ANKRD26: variants seen among roughly 807,000 people sequenced by gnomAD.
ANKRD26 encodes ankyrin repeat domain-containing protein 26.
Under a neutral mutation model 208.7 loss-of-function variants are expected in ANKRD26, and 141 were observed. The ratio of observed to expected loss-of-function variants is 0.68; its 90% confidence interval spans 0.59 to 0.78. The LOEUF is 0.78. Ranked by LOEUF, ANKRD26 falls within the 30% of genes least tolerant of loss-of-function variation. The pLI, the probability that ANKRD26 is intolerant of heterozygous loss-of-function variation, is 0.00. For synonymous variants in ANKRD26, 636 were observed against 660.4 expected, an observed-to-expected ratio of 0.96 and a Z score of 0.57; for missense variants, 1,889 against 1,938.7, an observed-to-expected ratio of 0.97 and a Z score of 0.48.
rs1009481889 is a variant in ANKRD26, at chr10:27,093,678, T to C, written c.357+7A>G. ...ATCTGATGCTGAAAGAGCTGGCTAC[T>C]ATATACCTTCATCAGAGCTGTCCTG... On this transcript the variant is annotated splice_region_variant and intron_variant, in intron 2 of 33. Transcript: ENST00000376087. The C allele has an allele frequency of 4.3e-6, 7 of 1,612,312 alleles. No homozygotes were observed. The African/African-American group carries it at 8.0e-5, about 18-fold the overall frequency.
At position 27,033,214 on chromosome 10, in the gene ANKRD26, T is replaced by A; in HGVS notation, c.3807+11A>T. ...AGATTAACTGTTTGACATGTTAAAT[T>A]TCATACATACTTGATTTCTGATTTG... is the stretch of plus-strand genomic sequence containing the variant. On this transcript the variant is annotated intron_variant, in intron 25 of 33. Coordinates refer to ENST00000376087, the MANE Select transcript of ANKRD26 (RefSeq NM_014915.3). 6.2e-7 allele frequency: 1 copy of A among 1,600,974 alleles called. No homozygotes were observed.
intron 24 of ANKRD26, among the ~76,000 whole-genome samples, chr10:27,033,909 C>A (rs946513135): frequency 6.6e-6 from 1 of 152,194 alleles, no homozygotes; most frequent in Non-Finnish European, 1.5e-5. Context: ...TGACTCTCCC[C>A]TACTCACTCC....
intron 4 of ANKRD26, among the ~76,000 whole-genome samples, chr10:26,982,072 A>G (rs1008882476): frequency 1.3e-5 from 2 of 152,190 alleles, no homozygotes; most frequent in African/African-American, 4.8e-5. Flanking sequence ...ACATAAGACA[A>G]CATAGACAAT....
At chr10:27,098,469 CT>C (rs1242399601) in intron 1 of ANKRD26, among the ~76,000 whole-genome samples, 19 of 152,150 alleles carry the variant, frequency 1.2e-4, no homozygotes, top group African/African-American at 4.6e-4. Flanking sequence ...TTCACTAGAA[CT>C]TTTATACATA....
chr10:26,982,708 G>C (rs1223812595), exon 4 of ANKRD26, among the ~76,000 whole-genome samples: 1 of 152,166 alleles, frequency 6.6e-6, no homozygotes, highest in Non-Finnish European at 1.5e-5. Flanking sequence ...AGTTGGTTCA[G>C]GCTATGCTAC....
At chr10:26,950,803 A>G in the ANKRD26 span, among the ~76,000 whole-genome samples, 1 of 152,112 alleles carries the variant, frequency 6.6e-6, no homozygotes, top group African/African-American at 2.4e-5. Context: ...AGCAACAGAA[A>G]AGCAACCTAA....
downstream of ANKRD26, among the ~76,000 whole-genome samples, chr10:27,003,136 A>C (rs2052762334): frequency 6.6e-6 from 1 of 152,190 alleles, no homozygotes. Flanking sequence ...TATCGACGGC[A>C]TTAAATGAGT....
In ANKRD26 at chr10:27,044,114, AT is replaced by A. The variant is rs775558316; in HGVS notation, c.2019+42del. 37 of 1,284,662 alleles carry A rather than the reference AT, an allele frequency of 2.9e-5. 1 individual carries two copies. The highest frequency in any genetic ancestry group is 5.7e-4 in the Middle Eastern group (2 of 3,508). The allele number at this position is 1,284,662 out of a possible 1,614,324, so 79.6% of individuals were successfully genotyped here. ...CAGCCCACTTTATCTTTTATAATGT[AT>A]TTTTTTAAACAATAATTTTGATAAT... On this transcript the variant is annotated intron_variant, in intron 19 of 33. Coordinates refer to ENST00000376087, the MANE Select transcript of ANKRD26 (RefSeq NM_014915.3).
At chr10:27,022,472 C>A (rs895174050) in intron 29 of ANKRD26, 86 bp downstream of exon 29, 2 of 1,080,028 alleles carry the variant, frequency 1.9e-6, no homozygotes, top group Non-Finnish European at 1.3e-6. Flanking sequence ...AAAAAAAAAT[C>A]TTTATTTCAC....
chr10:27,047,716 C>A (rs1169915036), intron 17 of ANKRD26, among the ~76,000 whole-genome samples: 14 of 97,040 alleles, frequency 1.4e-4, no homozygotes, highest in African/African-American at 4.0e-4. Flanking sequence ...ACTACTACTA[C>A]TACTACTAAT....
At chr10:26,981,017 T>A (rs1047219960) in intron 4 of ANKRD26, among the ~76,000 whole-genome samples, 1 of 152,152 alleles carries the variant, frequency 6.6e-6, no homozygotes, top group Non-Finnish European at 1.5e-5. Flanking sequence ...AAAGTAGCTC[T>A]CCCATTCTGG....
In ANKRD26 at chr10:27,053,186, T is replaced by C. The variant is rs762762530; in HGVS notation, c.1635+134A>G. 3.9e-4 allele frequency: 248 copies of C among 640,618 alleles called. 2 individuals carry two copies. Among genetic ancestry groups the C allele is most frequent in the Middle Eastern group, 8.7e-4 (2 of 2,296 alleles). The allele number at this position is 640,618 out of a possible 1,614,324, so 39.7% of individuals were successfully genotyped here. ...AACATTTTAACTAGTCAAAACGTTT[T>C]TAATACTAAATATTAAATGATGATC... On this transcript the variant is annotated intron_variant, in intron 16 of 33. Transcript: ENST00000376087.
At position 27,093,567 on chromosome 10, in the gene ANKRD26, C is replaced by A. The variant is rs1250780406; in HGVS notation, c.358-45G>T. On this transcript the variant is annotated intron_variant, in intron 2 of 33. Coordinates refer to ENST00000376087, the MANE Select transcript of ANKRD26 (RefSeq NM_014915.3). The stretch of plus-strand genomic sequence containing the variant: ...AAACAGATCATAAATTCTAGGAATG[C>A]AAAATAAACACTCCACAGGTTTCAC... The A allele has an allele frequency of 3.7e-6, 6 of 1,607,570 alleles. No homozygotes were observed. In the East Asian group the frequency reaches 1.3e-4, roughly 36 times the overall value.
At chr10:27,044,259 G>A (rs1024370534) in intron 18 of ANKRD26, 69 bp from the exon 19 acceptor site, 12 of 1,277,934 alleles carry the variant, frequency 9.4e-6, no homozygotes, top group Non-Finnish European at 1.3e-5. Context: ...TAAAACTATT[G>A]TTTTTTTAAA....
intron 16 of ANKRD26, among the ~76,000 whole-genome samples, chr10:27,050,219 C>CAAAAAAAAAAAAAAAAAAAA (rs67384671): frequency 1.7e-3 from 56 of 33,030 alleles, no homozygotes; most frequent in Middle Eastern, 0.036. Flanking sequence ...GAATCTGTCT[C>CAAAAAAAAAAAAAAAAAAAA]AAAAAAAAAA....
At chr10:27,062,209 A>T in intron 12 of ANKRD26, 1 of 979,910 alleles carries the variant, frequency 1.0e-6, no homozygotes, top group African/African-American at 1.7e-5. Context: ...TTCATTTAAC[A>T]ATAGTTATCT....
At chr10:27,062,333 T>G (rs1377873283) in intron 12 of ANKRD26, 19 of 577,352 alleles carry the variant, frequency 3.3e-5, no homozygotes, top group African/African-American at 4.1e-5. Context: ...CCTTGAATTA[T>G]TGTCCAATGA....
intron 4 of ANKRD26, among the ~76,000 whole-genome samples, 169 bp from the exon 5 acceptor site, chr10:27,086,778 T>TTTG (rs2056135719): frequency 1.4e-5 from 2 of 143,200 alleles, no homozygotes; most frequent in East Asian, 2.0e-4. Context: ...GTTTTTTTTT[T>TTTG]TTTTTTTTTT....
the ANKRD26 span, among the ~76,000 whole-genome samples, chr10:26,955,573 T>C: frequency 6.6e-6 from 1 of 152,212 alleles, no homozygotes; most frequent in Non-Finnish European, 1.5e-5. Flanking sequence ...ACAGGGTATG[T>C]GTCTTCCTGT....
Sources: allele counts gnomAD v4.1 joint callset (sites outside exome capture counted in the v4.1 genomes callset), GRCh38; gene constraint gnomAD v4.1.1; transcripts MANE v1.5; gene names NCBI Gene and HGNC (gene_info 2026-07-23, HGNC 2026-07-21).